Variants in CAMKMT observed in about 807,000 individuals in gnomAD.
CAMKMT encodes calmodulin-lysine N-methyltransferase.
CAMKMT carries 53 observed loss-of-function variants against 48.0 expected under a neutral mutation model. The observed-to-expected ratio is 1.10, with a 90% confidence interval of 0.89 to 1.39. The LOEUF is 1.39. CAMKMT is among the 40% of genes most tolerant of loss of function. The pLI, the probability that CAMKMT is intolerant of heterozygous loss-of-function variation, is 0.00. For missense variants in CAMKMT, 428 were observed against 402.7 expected (o/e 1.06, Z -0.54); for synonymous variants, 165 against 152.3 (o/e 1.08, Z -0.61).
intron 3 of CAMKMT, among the ~76,000 whole-genome samples, chr2:44,510,344 C>T (rs976581299): frequency 2.2e-4 from 34 of 152,114 alleles, no homozygotes; most frequent in African/African-American, 8.0e-4. Context: ...CTGATGTCTT[C>T]TCATGATTAC....
chr2:44,416,740 A>G, intron 3 of CAMKMT, among the ~76,000 whole-genome samples: 1 of 151,154 alleles, frequency 6.6e-6, no homozygotes, highest in East Asian at 2.0e-4. Flanking sequence ...ACACCCGGCT[A>G]ATTTTTGTAT....
At chr2:44,710,455 G>T (rs900152652) in intron 6 of CAMKMT, among the ~76,000 whole-genome samples, 1 of 152,032 alleles carries the variant, frequency 6.6e-6, no homozygotes, top group Non-Finnish European at 1.5e-5. Context: ...AAACTGCATT[G>T]CTGGGTCTAC....
intron 6 of CAMKMT, among the ~76,000 whole-genome samples, chr2:44,713,104 CAT>C (rs1677972691): frequency 6.6e-6 from 1 of 152,012 alleles, no homozygotes; most frequent in Admixed American, 6.6e-5. Context: ...AATATAAATA[CAT>C]ATGTTTGCTT....
chr2:44,680,174 A>T (rs1675937727), intron 3 of CAMKMT, among the ~76,000 whole-genome samples: 1 of 152,194 alleles, frequency 6.6e-6, no homozygotes, highest in African/African-American at 2.4e-5. Flanking sequence ...CAAATTCACT[A>T]AAGTGAAAAT....
At chr2:44,370,374 T>A (rs538907037) in intron 1 of CAMKMT, among the ~76,000 whole-genome samples, 41 of 152,344 alleles carry the variant, frequency 2.7e-4, no homozygotes, top group African/African-American at 9.4e-4. Flanking sequence ...TATTCGGATT[T>A]TCCGTTTCTT....
chr2:44,450,744 T>C (rs1436550958), intron 3 of CAMKMT, among the ~76,000 whole-genome samples: 1 of 152,074 alleles, frequency 6.6e-6, no homozygotes, highest in Non-Finnish European at 1.5e-5. Flanking sequence ...CTCTGTGGAG[T>C]CCAGAGTAAT....
chr2:44,525,055 A>T (rs1671331640), intron 3 of CAMKMT, among the ~76,000 whole-genome samples: 1 of 152,058 alleles, frequency 6.6e-6, no homozygotes, highest in Non-Finnish European at 1.5e-5. Context: ...TTATATGAGG[A>T]TAAGTGAGAT....
intron 3 of CAMKMT, among the ~76,000 whole-genome samples, chr2:44,506,608 A>G (rs969488570): frequency 2.0e-5 from 3 of 152,260 alleles, no homozygotes; most frequent in East Asian, 1.9e-4. Context: ...CCATTTCTCA[A>G]TGTAGGGGGA....
At chr2:44,407,042 C>T (rs924360317) in intron 3 of CAMKMT, among the ~76,000 whole-genome samples, 1 of 152,264 alleles carries the variant, frequency 6.6e-6, no homozygotes, top group Middle Eastern at 3.4e-3. Flanking sequence ...AAGATTCATG[C>T]CCAAAAGTGG....
chr2:44,520,671 G>A (rs1230325460), intron 3 of CAMKMT, among the ~76,000 whole-genome samples: 1 of 152,122 alleles, frequency 6.6e-6, no homozygotes, highest in African/African-American at 2.4e-5. Flanking sequence ...CCTGAATTAT[G>A]CACCTAATCT....
intron 3 of CAMKMT, among the ~76,000 whole-genome samples, chr2:44,534,034 A>T (rs1666631373): frequency 6.6e-6 from 1 of 152,204 alleles, no homozygotes; most frequent in African/African-American, 2.4e-5. Context: ...GGGATGGAAA[A>T]ATATATTCCA....
chr2:44,702,413 C>G (rs1394328886), intron 3 of CAMKMT, among the ~76,000 whole-genome samples: 1 of 152,122 alleles, frequency 6.6e-6, no homozygotes, highest in Non-Finnish European at 1.5e-5. Context: ...ATTAACAATG[C>G]TTTCTTTTTC....
chr2:44,422,611 T>C (rs1684005363), intron 3 of CAMKMT, among the ~76,000 whole-genome samples: 1 of 152,242 alleles, frequency 6.6e-6, no homozygotes, highest in African/African-American at 2.4e-5. Context: ...ATCACCTGTA[T>C]CTGTATTTTG....
chr2:44,401,996 A>G (rs1243092645), intron 3 of CAMKMT, among the ~76,000 whole-genome samples: 1 of 152,086 alleles, frequency 6.6e-6, no homozygotes, highest in Non-Finnish European at 1.5e-5. Flanking sequence ...AGGGGAAGTA[A>G]TTTTTTGAGA....
chr2:44,581,908 T>C (rs1221388873), intron 3 of CAMKMT, among the ~76,000 whole-genome samples: 1 of 152,184 alleles, frequency 6.6e-6, no homozygotes, highest in Non-Finnish European at 1.5e-5. Context: ...CTGAGGCAGA[T>C]GAATCGCTTG....
intron 3 of CAMKMT, among the ~76,000 whole-genome samples, chr2:44,686,100 A>C (rs1676318580): frequency 1.3e-5 from 2 of 152,308 alleles, no homozygotes; most frequent in Admixed American, 6.5e-5. Context: ...CTTCTATTAA[A>C]AGCAAAGCCT....
intron 3 of CAMKMT, among the ~76,000 whole-genome samples, chr2:44,420,122 A>T (rs1369997248): frequency 1.3e-5 from 2 of 152,186 alleles, no homozygotes; most frequent in African/African-American, 2.4e-5. Context: ...TGTAAATGTA[A>T]TGTGAGTTTA....
chr2:44,574,473 G>A (rs995113612), intron 3 of CAMKMT, among the ~76,000 whole-genome samples: 1 of 152,116 alleles, frequency 6.6e-6, no homozygotes, highest in African/African-American at 2.4e-5. Flanking sequence ...GGGATGTGTG[G>A]TCTGGATTGG....
At chr2:44,623,987 G>C (rs944748514) in intron 3 of CAMKMT, among the ~76,000 whole-genome samples, 2 of 151,930 alleles carry the variant, frequency 1.3e-5, no homozygotes, top group African/African-American at 4.8e-5. Context: ...TAGTCTTTTT[G>C]AATTTTGGAG....
Sources: gnomAD v4.1 joint callset for allele counts (sites outside exome capture counted in the v4.1 genomes callset) on GRCh38, gnomAD v4.1.1 for gene constraint, MANE v1.5 for transcripts, NCBI Gene and HGNC (gene_info 2026-07-23, HGNC 2026-07-21) for gene names.